Variants in PTPN11 observed in about 807,000 individuals in gnomAD.
PTPN11 encodes protein tyrosine phosphatase non-receptor type 11.
PTPN11 carries 6 observed loss-of-function variants against 78.8 expected under a neutral mutation model. The observed-to-expected ratio is 0.08, with a 90% CI of 0.04 to 0.15. PTPN11 has a LOEUF of 0.15. Among genes scored for constraint, PTPN11 ranks in the 10% least tolerant of loss-of-function variants. The pLI, the probability that PTPN11 is intolerant of heterozygous loss-of-function variation, is 1.00. For synonymous variants in PTPN11, 221 were observed against 263.5 expected, an observed-to-expected ratio of 0.84 and a Z score of 1.56; for missense variants, 386 against 744.8, an observed-to-expected ratio of 0.52 and a Z score of 5.61.
At chr12:112,420,333 ATTTTCTTTTCTTT>A (rs1352263385) in intron 1 of PTPN11, among the ~76,000 whole-genome samples, 2 of 151,254 alleles carry the variant, frequency 1.3e-5, no homozygotes, top group African/African-American at 4.9e-5. Flanking sequence ...TTTGAATGAG[ATTTTCTTTTCTTT>A]TTTTCTTTTT....
chr12:112,495,020 A>G (rs1229044903), intron 13 of PTPN11, among the ~76,000 whole-genome samples: 1 of 152,184 alleles, frequency 6.6e-6, no homozygotes, highest in East Asian at 1.9e-4. Context: ...TCGACTAGTG[A>G]TATTTTCAAC....
rs780328721 is a variant in PTPN11, at chr12:112,482,102, A to G, written c.1121A>G (p.Glu374Gly). 7 of 1,582,928 alleles carry G rather than the reference A, an allele frequency of 4.4e-6. No individual in the cohort carries two copies. Among genetic ancestry groups the G allele is most frequent in the Admixed American group, 3.3e-5 (2 of 59,958 alleles). The change falls in exon 10 of 16, where the codon GAG (glutamate) becomes GGG (glycine). Residue 374 changes from glutamate to glycine, a missense_variant. This residue lies in a region of PTPN11 where 279 missense variants were observed against 503.3 expected (regional missense o/e 0.55). Coordinates refer to ENST00000351677, the MANE Select transcript of PTPN11 (RefSeq NM_002834.5). This position sits in a 1 kb window ranked among gnomAD's most constrained non-coding sequence, Gnocchi z 4.4. ...KSKCVKYWPD[E>G]YALKEYGVMR... ...AAATGTGTCAAATACTGGCCTGATGAGTATGCTCTAAAAGAATATGGCGTC... is the reference window on the plus strand; with the variant it reads ...AAATGTGTCAAATACTGGCCTGATGGGTATGCTCTAAAAGAATATGGCGTC...
chr12:112,473,859 G>T (rs1271164945), intron 7 of PTPN11, among the ~76,000 whole-genome samples: 1 of 151,874 alleles, frequency 6.6e-6, no homozygotes, highest in Non-Finnish European at 1.5e-5. Context: ...AAAAAAAAAG[G>T]AAGACTTTGT....
intron 1 of PTPN11, among the ~76,000 whole-genome samples, chr12:112,432,767 C>T (rs2037732352): frequency 6.6e-6 from 1 of 151,410 alleles, no homozygotes; most frequent in Non-Finnish European, 1.5e-5. Context: ...ATCATTTGAA[C>T]TCAGGAGTTT....
Position 112,461,410 on chromosome 12 carries a change from C to T in PTPN11, c.756+5347C>T, listed in dbSNP as rs368885367. 1.1e-4 allele frequency among the ~76,000 whole-genome samples: 16 copies of T among 150,994 alleles called. No individual in the cohort carries two copies. The East Asian group carries it at 1.4e-3, about 13-fold the overall frequency. ...GTGCAGTGGCGCAAACACACAGTTG[C>T]GAACTCTTGGGCTGAGGTGATCCTC... On this transcript the variant is annotated intron_variant, in intron 6 of 15. Coordinates refer to ENST00000351677, the MANE Select transcript of PTPN11 (RefSeq NM_002834.5).
At chr12:112,467,692 A>T (rs1207395538) in intron 6 of PTPN11, among the ~76,000 whole-genome samples, 2 of 152,024 alleles carry the variant, frequency 1.3e-5, no homozygotes, top group Non-Finnish European at 2.9e-5. Context: ...ACAGGGTTTC[A>T]CCATGTTGGC....
At chr12:112,452,336 C>T (rs1232135192) in intron 3 of PTPN11, among the ~76,000 whole-genome samples, 12 of 152,138 alleles carry the variant, frequency 7.9e-5, no homozygotes, top group Non-Finnish European at 7.4e-5. Context: ...AAGTGATTCT[C>T]CTGCCTCAGC....
chr12:112,488,409 C>G, intron 11 of PTPN11, 34 bp from the exon 12 acceptor site: 1 of 1,558,638 alleles, frequency 6.4e-7, no homozygotes, highest in Non-Finnish European at 8.9e-7. Flanking sequence ...ATGAATGATT[C>G]TGTTGTCCCT....
At chr12:112,501,843 A>G (rs2038877339) in intron 13 of PTPN11, among the ~76,000 whole-genome samples, 1 of 152,238 alleles carries the variant, frequency 6.6e-6, no homozygotes, top group Non-Finnish European at 1.5e-5. Flanking sequence ...CTAATGTGGC[A>G]AAGAAAGTGT....
rs1172175786 is a variant in PTPN11 at position 112,509,244 on chromosome 12, AT to A, written c.*3453del. ...AAAGTTCCAAAATATAGTTTATTGTATCTTTCATCACTAAAAATTTGTTCCT... is the reference window on the plus strand; with the variant it reads ...AAAGTTCCAAAATATAGTTTATTGTACTTTCATCACTAAAAATTTGTTCCT... On this transcript the variant is annotated 3_prime_UTR_variant, in exon 16 of 16. Transcript: ENST00000351677. The A allele has an allele frequency of 5.3e-5, 8 of 152,312 alleles. No homozygotes were observed. The highest frequency in any genetic ancestry group is 1.2e-4 in the African/African-American group (5 of 41,552). 9.4% of individuals were successfully genotyped at this position (152,312 alleles called of 1,614,324 possible). A position where few individuals can be genotyped will look rare whatever the true frequency, so the allele number is the denominator to read the frequency against.
At chr12:112,465,859 C>A (rs953436352) in intron 6 of PTPN11, among the ~76,000 whole-genome samples, 3 of 152,182 alleles carry the variant, frequency 2.0e-5, no homozygotes, top group Non-Finnish European at 4.4e-5. Flanking sequence ...GCTGTGGACA[C>A]CTTTGGGGAG....
chr12:112,454,734 A>G lies in PTPN11; in HGVS notation c.642+54A>G, dbSNP rs536482133. Reference sequence around the variant, plus strand: ...TCCTTAAAAACTTAAAACAAATCCTAATAGAGAATTTTGCAAACATACAGA... The same window carrying G: ...TCCTTAAAAACTTAAAACAAATCCTGATAGAGAATTTTGCAAACATACAGA... On this transcript the variant is annotated intron_variant, in intron 5 of 15. Transcript: ENST00000351677. 3.8e-5 allele frequency: 52 copies of G among 1,376,322 alleles called. No individual in the cohort carries two copies. In the African/African-American group the frequency reaches 7.1e-4, roughly 19 times the overall value. 85.3% of individuals were successfully genotyped at this position (1,376,322 alleles called of 1,614,324 possible).
chr12:112,453,442 T>C, intron 4 of PTPN11, 55 bp downstream of exon 4: 1 of 1,444,456 alleles, frequency 6.9e-7, no homozygotes, highest in Non-Finnish European at 9.7e-7. Flanking sequence ...GGGTGATTTT[T>C]CTGCTGACAG....
At chr12:112,472,803 G>T in intron 6 of PTPN11, 141 bp from the exon 7 acceptor site, 1 of 801,746 alleles carries the variant, frequency 1.2e-6, no homozygotes, top group Non-Finnish European at 2.2e-6. Flanking sequence ...GCCTGACCCA[G>T]ATGAACATTC....
chr12:112,440,499 C>T (rs1174834650), intron 1 of PTPN11, among the ~76,000 whole-genome samples: 2 of 147,596 alleles, frequency 1.4e-5, no homozygotes, highest in Non-Finnish European at 1.5e-5. Context: ...CTCCTGACCT[C>T]GTGATCCGCC....
intron 3 of PTPN11, 73 bp from the exon 4 acceptor site, chr12:112,453,122 A>T: frequency 7.9e-7 from 1 of 1,263,054 alleles, no homozygotes; most frequent in Non-Finnish European, 1.1e-6. Context: ...CTGACTGTAT[A>T]CAGTAGTTTT....
At chr12:112,459,925 A>T in intron 6 of PTPN11, among the ~76,000 whole-genome samples, 1 of 151,730 alleles carries the variant, frequency 6.6e-6, no homozygotes, top group African/African-American at 2.4e-5. Context: ...ACACACACAC[A>T]CACACACACA....
intron 12 of PTPN11, 60 bp downstream of exon 12, chr12:112,488,570 G>A (rs549163121): frequency 1.0e-4 from 158 of 1,506,836 alleles, no homozygotes; most frequent in Admixed American, 1.8e-4. Flanking sequence ...GAAGGAAAGT[G>A]CTCACGAAAA....
Position 112,450,417 on chromosome 12 carries a change from G to C in PTPN11, c.237G>C (p.Gln79His), listed in dbSNP as rs748952554. 2 of 1,613,720 alleles carry C rather than the reference G, an allele frequency of 1.2e-6. No homozygotes were observed. The highest frequency in any genetic ancestry group is 1.7e-5 in the Admixed American group (1 of 60,006). ...TTGCCACTTTGGCTGAGTTGGTCCA[G>C]TATTACATGGAACATCACGGGCAAT... is the stretch of plus-strand genomic sequence containing the variant. ...EKFATLAELV[Q>H]YYMEHHGQLK... The change falls in exon 3 of 16, where the codon CAG becomes CAC. Residue 79 changes from glutamine to histidine, a missense_variant. Gln to His is a conservative substitution (Grantham distance 24). Around this residue, in one of 3 missense-constraint regions of PTPN11, gnomAD observed 279 missense variants for 503.3 expected, o/e 0.55. Transcript: ENST00000351677.
Sources: gnomAD v4.1 joint callset for allele counts (sites outside exome capture counted in the v4.1 genomes callset) on GRCh38, gnomAD v4.1.1 for gene constraint, gnomAD v4.1.1 regional missense constraint, Gnocchi (gnomAD v3.1) non-coding constraint, MANE v1.5 for transcripts, NCBI Gene and HGNC (gene_info 2026-07-23, HGNC 2026-07-21) for gene names.